SLC16A7: variants seen among roughly 807,000 people sequenced by gnomAD.
SLC16A7 encodes the protein solute carrier family 16 member 7, also known as monocarboxylate transporter 2.
A neutral mutation model predicts 34.9 loss-of-function variants in SLC16A7; 33 were observed. The observed-to-expected ratio is 0.94, with a 90% CI of 0.72 to 1.26. The LOEUF (loss-of-function observed/expected upper bound fraction) is 1.26. Ranked by LOEUF, SLC16A7 falls within the 50% of genes most tolerant of loss-of-function variation. The pLI is 0.00. For synonymous variants in SLC16A7, 201 were observed against 206.6 expected, an observed-to-expected ratio of 0.97 and a Z score of 0.23; for missense variants, 573 against 578.1, an observed-to-expected ratio of 0.99 and a Z score of 0.09.
chr12:59,668,318 G>A lies in SLC16A7; in HGVS notation c.-31+13068G>A, dbSNP rs111610178. 1.0e-3 allele frequency among the ~76,000 whole-genome samples: 156 copies of A among 152,292 alleles called. 5 individuals are homozygous for A. The highest frequency in any genetic ancestry group is 3.5e-3 in the African/African-American group (147 of 41,568). On this transcript the variant is annotated intron_variant, in intron 2 of 5. Coordinates refer to ENST00000547379, the MANE Select transcript of SLC16A7 (RefSeq NM_001270623.2). Reference sequence around the variant, plus strand: ...CTCCAGCCTGTGAAAGCAGCTGGGAGGAGGTTTGTACCCTGTAAAGCCACA... The same window carrying A: ...CTCCAGCCTGTGAAAGCAGCTGGGAAGAGGTTTGTACCCTGTAAAGCCACA...
intron 3 of SLC16A7, among the ~76,000 whole-genome samples, chr12:59,713,638 G>A (rs965735733): frequency 1.3e-5 from 2 of 152,108 alleles, no homozygotes; most frequent in African/African-American, 4.8e-5. Flanking sequence ...AATTTGCTCA[G>A]CTGGCTGGAA....
intron 1 of SLC16A7, among the ~76,000 whole-genome samples, chr12:59,650,804 G>T (rs971238854): frequency 1.3e-5 from 2 of 152,150 alleles, no homozygotes; most frequent in African/African-American, 4.8e-5. Context: ...CCCTTGGTCA[G>T]TTATACTCCC....
At chr12:59,607,556 A>G (rs1466773277) in intron 1 of SLC16A7, among the ~76,000 whole-genome samples, 1 of 152,138 alleles carries the variant, frequency 6.6e-6, no homozygotes. Context: ...GTGGAAAATC[A>G]CTGATCTAGG....
intron 3 of SLC16A7, among the ~76,000 whole-genome samples, chr12:59,741,201 G>GA (rs1316518926): frequency 2.0e-5 from 3 of 152,094 alleles, no homozygotes; most frequent in African/African-American, 7.2e-5. Context: ...CACAGAATTG[G>GA]AAAAAACTAC....
chr12:59,755,951 T>A (rs544375243), intron 3 of SLC16A7, among the ~76,000 whole-genome samples: 132 of 152,064 alleles, frequency 8.7e-4, no homozygotes, highest in Non-Finnish European at 1.6e-3. Context: ...GAAATAACGC[T>A]GCATATCTAC....
intron 3 of SLC16A7, among the ~76,000 whole-genome samples, chr12:59,765,306 T>A (rs1196497849): frequency 2.6e-5 from 4 of 152,324 alleles, no homozygotes; most frequent in Non-Finnish European, 5.9e-5. Context: ...GATGGTAGTT[T>A]GTTTTGCTGT....
chr12:59,666,474 C>T (rs1388194565), intron 2 of SLC16A7, among the ~76,000 whole-genome samples: 1 of 152,186 alleles, frequency 6.6e-6, no homozygotes, highest in East Asian at 1.9e-4. Context: ...TGTTCCCACT[C>T]AAATCTCACT....
At position 59,722,433 on chromosome 12, in the gene SLC16A7, A is replaced by G. The variant is rs573878846; in HGVS notation, c.217+17415A>G. On this transcript the variant is annotated intron_variant, in intron 3 of 5. Coordinates refer to ENST00000547379, the MANE Select transcript of SLC16A7 (RefSeq NM_001270623.2). ...ATATACCTACCAATGAAATCCTGTC[A>G]TAACCTAAGTTCAATCATGTCCGAG... Among the ~76,000 whole-genome samples, 9 of 152,016 alleles carry G rather than the reference A, an allele frequency of 5.9e-5. No individual in the cohort carries two copies. In the South Asian group the frequency reaches 1.9e-3, roughly 32 times the overall value.
intron 2 of SLC16A7, among the ~76,000 whole-genome samples, chr12:59,697,478 C>A (rs1872438226): frequency 6.6e-6 from 1 of 151,888 alleles, no homozygotes. Context: ...CTATTACTAT[C>A]CATTTTTACT....
intron 1 of SLC16A7, among the ~76,000 whole-genome samples, chr12:59,647,446 G>GT (rs1868266738): frequency 6.6e-6 from 1 of 152,134 alleles, no homozygotes; most frequent in Non-Finnish European, 1.5e-5. Flanking sequence ...CACCATGATT[G>GT]TAAGTTTCCC....
intron 1 of SLC16A7, among the ~76,000 whole-genome samples, chr12:59,652,563 T>A (rs763200951): frequency 6.6e-6 from 1 of 151,884 alleles, no homozygotes; most frequent in Non-Finnish European, 1.5e-5. Flanking sequence ...TAAATAATGA[T>A]CTCTGAAATT....
intron 2 of SLC16A7, among the ~76,000 whole-genome samples, chr12:59,666,225 G>GT (rs773076569): frequency 3.9e-5 from 6 of 152,014 alleles, no homozygotes; most frequent in Non-Finnish European, 8.8e-5. Flanking sequence ...TATTCATGTT[G>GT]TTTTTTAGAG....
In SLC16A7 at chr12:59,732,774, A is replaced by G. The variant is rs1177107958; in HGVS notation, c.217+27756A>G. On this transcript the variant is annotated intron_variant, in intron 3 of 5. Coordinates refer to ENST00000547379, the MANE Select transcript of SLC16A7 (RefSeq NM_001270623.2). ...TTCACCCCACTCATTTATTAAATTG[A>G]CAGCTTTCTTGAGCTAGGTATAGCT... Among the ~76,000 whole-genome samples the G allele has an allele frequency of 2.6e-5, 4 of 152,320 alleles. No homozygotes were observed. In the East Asian group the frequency reaches 7.7e-4, roughly 29 times the overall value.
At chr12:59,714,924 T>A (rs1254861985) in intron 3 of SLC16A7, among the ~76,000 whole-genome samples, 1 of 152,164 alleles carries the variant, frequency 6.6e-6, no homozygotes, top group Non-Finnish European at 1.5e-5. Context: ...TAATATTTCT[T>A]ATGACCTTAT....
chr12:59,608,937 T>A (rs889590353), intron 1 of SLC16A7, among the ~76,000 whole-genome samples: 5 of 152,222 alleles, frequency 3.3e-5, no homozygotes, highest in Non-Finnish European at 7.3e-5. Flanking sequence ...TTGGGATACT[T>A]CAGTATTTAT....
At chr12:59,777,803 T>A (rs1431695893) in intron 5 of SLC16A7, among the ~76,000 whole-genome samples, 2 of 78,580 alleles carry the variant, frequency 2.5e-5, no homozygotes, top group Non-Finnish European at 4.8e-5. Flanking sequence ...TCCCTCCCCC[T>A]CCCCCCACCC....
intron 1 of SLC16A7, among the ~76,000 whole-genome samples, chr12:59,600,874 A>G (rs1359298904): frequency 6.6e-6 from 1 of 152,198 alleles, no homozygotes; most frequent in Admixed American, 6.6e-5. Flanking sequence ...AAACTCCCGC[A>G]AATGTTTTCA....
At chr12:59,768,710 T>C (rs190461602) in intron 3 of SLC16A7, among the ~76,000 whole-genome samples, 2 of 152,188 alleles carry the variant, frequency 1.3e-5, no homozygotes, top group Admixed American at 1.3e-4. Context: ...TTTTAAGCAA[T>C]TGCCAGCCAG....
At position 59,672,280 on chromosome 12, in the gene SLC16A7, G is replaced by T. The variant is rs1215775053; in HGVS notation, c.-31+17030G>T. The stretch of plus-strand genomic sequence containing the variant: ...TATATGCATATATACGTATATATAT[G>T]TGTATATATATGTGTATATATATAT... On this transcript the variant is annotated intron_variant, in intron 2 of 5. Transcript: ENST00000547379. 2.2e-5 allele frequency among the ~76,000 whole-genome samples: 3 copies of T among 138,286 alleles called. No homozygotes were observed. The Admixed American group carries it at 2.3e-4, about 10-fold the overall frequency. The allele number at this position is 138,286 out of a possible 152,430, so 90.7% of individuals were successfully genotyped here.
Sources: gnomAD v4.1 joint callset for allele counts (sites outside exome capture counted in the v4.1 genomes callset) on GRCh38, gnomAD v4.1.1 for gene constraint, MANE v1.5 for transcripts, NCBI Gene and HGNC (gene_info 2026-07-23, HGNC 2026-07-21) for gene names.